Variants in RTL9 observed in about 807,000 individuals in gnomAD.
The protein encoded by RTL9 is retrotransposon Gag-like protein 9.
A neutral mutation model predicts 44.7 loss-of-function variants in RTL9; 19 were observed. The ratio of observed to expected loss-of-function variants is 0.42; its 90% CI spans 0.30 to 0.62. The LOEUF (loss-of-function observed/expected upper bound fraction) is 0.62. Ranked by LOEUF, RTL9 falls within the 20% of genes least tolerant of loss-of-function variation. The probability of loss-of-function intolerance (pLI) is 0.16; values close to 1 mark genes in which losing one functional copy is unlikely to be tolerated. For synonymous variants in RTL9, 407 were observed against 398.9 expected (o/e 1.02, Z -0.24); for missense variants, 1,105 against 1,080.6 (o/e 1.02, Z -0.32).
upstream of RTL9, among the ~76,000 whole-genome samples, chrX:110,449,863 G>A (rs1461558210): frequency 8.9e-6 from 1 of 112,272 alleles, no homozygotes; most frequent in East Asian, 2.8e-4. Context: ...ATGGGATAAT[G>A]CTTACAAAGG....
intron 1 of RTL9, among the ~76,000 whole-genome samples, chrX:110,427,679 C>T (rs1053682433): frequency 8.9e-6 from 1 of 112,314 alleles, no homozygotes; most frequent in African/African-American, 3.2e-5. Context: ...ACAGTCAAGG[C>T]TGAGAACTAC....
chrX:110,452,318 G>C, exon 1 of RTL9: 1 of 1,211,062 alleles, frequency 8.3e-7, no homozygotes, highest in Non-Finnish European at 1.1e-6. Context: ...CAGCACAGAT[G>C]AAAGCCATGA....
chrX:110,406,319 A>G (rs1201638153), intron 1 of RTL9, among the ~76,000 whole-genome samples: 1 of 99,599 alleles, frequency 1.0e-5, no homozygotes, highest in Non-Finnish European at 2.0e-5. Context: ...ATGTGTTCTC[A>G]TTGTTCAACT....
At chrX:110,455,330 G>T (rs772482942) in exon 2 of RTL9, 34 of 1,205,577 alleles carry the variant, frequency 2.8e-5, no homozygotes, top group Non-Finnish European at 3.6e-5. Context: ...AAAACTCCAT[G>T]GAATCTTCTC....
exon 1 of RTL9, chrX:110,452,179 A>G: frequency 8.3e-7 from 1 of 1,210,976 alleles, no homozygotes; most frequent in African/African-American, 1.7e-5. Flanking sequence ...ACAGCCTCTG[A>G]AACAATGTCC....
At chrX:110,408,740 T>C (rs2068620548) in intron 1 of RTL9, among the ~76,000 whole-genome samples, 1 of 112,302 alleles carries the variant, frequency 8.9e-6, no homozygotes, top group Non-Finnish European at 1.9e-5. Flanking sequence ...GTTGCATTCA[T>C]GGGGATTCTA....
intron 1 of RTL9, among the ~76,000 whole-genome samples, chrX:110,438,586 T>A (rs1266950829): frequency 9.0e-6 from 1 of 111,490 alleles, no homozygotes; most frequent in African/African-American, 3.3e-5. Flanking sequence ...CAGGCGGTAG[T>A]GAAGTCAGAA....
At chrX:110,396,494 A>G (rs1252099256) in intron 1 of RTL9, among the ~76,000 whole-genome samples, 1 of 111,965 alleles carries the variant, frequency 8.9e-6, no homozygotes, top group African/African-American at 3.2e-5. Context: ...TGAGCACTAC[A>G]CTGGAGTTCC....
intron 1 of RTL9, among the ~76,000 whole-genome samples, chrX:110,374,568 T>C (rs2068362513): frequency 8.9e-6 from 1 of 112,128 alleles, no homozygotes; most frequent in South Asian, 3.7e-4. Flanking sequence ...AGGTCCTCTT[T>C]AACATGTACT....
chrX:110,401,765 C>G lies in RTL9; in HGVS notation c.-168+42849C>G, dbSNP rs772732551. On this transcript the variant is annotated intron_variant, in intron 1 of 2. Transcript: ENST00000520821. ...ATTTCCCACAGTTAATCTCAGTGAG[C>G]CTTCGTTTCCTCCCCTGTAAAATGG... Among the ~76,000 whole-genome samples the G allele has an allele frequency of 9.8e-5, 11 of 112,085 alleles. No individual in the cohort carries two copies. The South Asian group carries it at 4.1e-3, about 42-fold the overall frequency.
exon 1 of RTL9, chrX:110,450,911 G>A: frequency 8.3e-7 from 1 of 1,211,142 alleles, no homozygotes; most frequent in Non-Finnish European, 1.1e-6. Flanking sequence ...CAGACTCTGG[G>A]GCACTTTCCC....
chrX:110,395,135 C>A (rs2068520258), intron 1 of RTL9, among the ~76,000 whole-genome samples: 1 of 112,523 alleles, frequency 8.9e-6, no homozygotes. Context: ...GGAAGCCAAA[C>A]CTTTTGGCAA....
chrX:110,399,040 GTC>G (rs1231286183), intron 1 of RTL9, among the ~76,000 whole-genome samples: 1 of 112,198 alleles, frequency 8.9e-6, no homozygotes, highest in Middle Eastern at 4.2e-3. Context: ...CTCAGTGAAT[GTC>G]TCTGCCTCAT....
At chrX:110,441,793 G>T (rs761573982) in intron 1 of RTL9, among the ~76,000 whole-genome samples, 7 of 111,973 alleles carry the variant, frequency 6.3e-5, no homozygotes, top group Non-Finnish European at 1.3e-4. Context: ...ATAGGAAATT[G>T]TGGACAATGA....
At chrX:110,407,496 A>G (rs1419311856) in intron 1 of RTL9, among the ~76,000 whole-genome samples, 1 of 112,689 alleles carries the variant, frequency 8.9e-6, no homozygotes. Flanking sequence ...CTAGCAGATT[A>G]CTATGTGGCA....
At chrX:110,397,596 G>T (rs1473284201) in intron 1 of RTL9, among the ~76,000 whole-genome samples, 1 of 111,073 alleles carries the variant, frequency 9.0e-6, no homozygotes, top group African/African-American at 3.3e-5. Context: ...GCCACAAAGA[G>T]ACACAGTCAC....
intron 1 of RTL9, among the ~76,000 whole-genome samples, chrX:110,397,965 G>A (rs1415462312): frequency 8.9e-6 from 1 of 112,315 alleles, no homozygotes. Context: ...GGGTGTGGGT[G>A]GAGCACGAAC....
intron 1 of RTL9, among the ~76,000 whole-genome samples, chrX:110,384,801 G>A (rs2148278919): frequency 9.0e-6 from 1 of 110,834 alleles, no homozygotes; most frequent in African/African-American, 3.3e-5. Context: ...TTTCATATTA[G>A]GTGCGAGGTG....
intron 1 of RTL9, among the ~76,000 whole-genome samples, chrX:110,412,133 C>A (rs1057477606): frequency 1.8e-5 from 2 of 112,366 alleles, no homozygotes; most frequent in Non-Finnish European, 3.8e-5. Flanking sequence ...TCAGCTTTTA[C>A]CTCTCAAATT....
Sources: allele counts gnomAD v4.1 joint callset (sites outside exome capture counted in the v4.1 genomes callset), GRCh38; gene constraint gnomAD v4.1.1; transcripts MANE v1.5; gene names NCBI Gene and HGNC (gene_info 2026-07-23, HGNC 2026-07-21).